Variants in CACNA1E observed in about 807,000 individuals in gnomAD.
CACNA1E encodes the protein calcium voltage-gated channel subunit alpha1 E, also known as voltage-dependent R-type calcium channel subunit alpha-1E.
Under a neutral mutation model 259.2 loss-of-function variants are expected in CACNA1E, and 40 were observed. That is an observed-to-expected ratio of 0.15 (90% confidence interval 0.12 to 0.20). The LOEUF (loss-of-function observed/expected upper bound fraction) is 0.20, where lower values mean the gene tolerates loss of function less well. Ranked by LOEUF, CACNA1E falls within the 10% of genes least tolerant of loss-of-function variation. CACNA1E has a pLI of 1.00. For missense variants in CACNA1E, 1,874 were observed against 3,040.1 expected (o/e 0.62, Z 9.02); for synonymous variants, 1,104 against 1,138.5 (o/e 0.97, Z 0.61).
intron 35 of CACNA1E, among the ~76,000 whole-genome samples, chr1:181,768,337 AAGAG>A (rs1225134388): frequency 1.3e-5 from 2 of 152,204 alleles, no homozygotes; most frequent in Admixed American, 1.3e-4. Flanking sequence ...GAGTGAAAGG[AAGAG>A]AGAGTGAGCA....
intron 25 of CACNA1E, among the ~76,000 whole-genome samples, chr1:181,746,083 C>T (rs768952635): frequency 6.6e-6 from 1 of 152,148 alleles, no homozygotes; most frequent in East Asian, 1.9e-4. Flanking sequence ...GGCAGAATAA[C>T]AATGGATTGA....
chr1:181,604,637 G>T (rs906268310), intron 6 of CACNA1E, among the ~76,000 whole-genome samples: 1 of 152,212 alleles, frequency 6.6e-6, no homozygotes, highest in African/African-American at 2.4e-5. Flanking sequence ...CACTTGAGAT[G>T]AAATTGGGTC....
chr1:181,801,399 GA>G lies in CACNA1E; in HGVS notation c.*2567del, dbSNP rs1662266291. The stretch of plus-strand genomic sequence containing the variant: ...TCATACACACAGGTATTTGAGTCCT[GA>G]ATAAAGTGTTGGAAAGCACTGCAGA... On this transcript the variant is annotated 3_prime_UTR_variant, in exon 48 of 48. Transcript: ENST00000367573. 3 of 152,270 alleles carry G rather than the reference GA, an allele frequency of 2.0e-5. No homozygotes were observed. Among genetic ancestry groups the G allele is most frequent in the Admixed American group, 6.5e-5 (1 of 15,278 alleles). 9.4% of individuals were successfully genotyped at this position (152,270 alleles called of 1,614,324 possible). A position where few individuals can be genotyped will look rare whatever the true frequency, so the allele number is the denominator to read the frequency against.
chr1:181,785,054 C>T (rs1660739014), intron 41 of CACNA1E, among the ~76,000 whole-genome samples: 2 of 151,978 alleles, frequency 1.3e-5, no homozygotes, highest in Admixed American at 1.3e-4. Flanking sequence ...GAATGGTAGG[C>T]GTGATGCTTA....
At chr1:181,558,279 A>G (rs1648951623) in intron 3 of CACNA1E, among the ~76,000 whole-genome samples, 1 of 151,982 alleles carries the variant, frequency 6.6e-6, no homozygotes, top group East Asian at 1.9e-4. Flanking sequence ...TTTGGGCTTG[A>G]TTTTCTAAGA....
chr1:181,652,980 G>A (rs1658892735), intron 7 of CACNA1E, among the ~76,000 whole-genome samples: 1 of 151,966 alleles, frequency 6.6e-6, no homozygotes, highest in Non-Finnish European at 1.5e-5. Flanking sequence ...GGAGTTGAGA[G>A]GATTCCTCTT....
chr1:181,326,392 C>T (rs1160457175), intron 1 of CACNA1E, among the ~76,000 whole-genome samples: 3 of 152,188 alleles, frequency 2.0e-5, no homozygotes, highest in African/African-American at 7.2e-5. Context: ...AATTCCTGTC[C>T]TGGCCATTCA....
chr1:181,573,822 C>T (rs555736888), intron 3 of CACNA1E, among the ~76,000 whole-genome samples: 1 of 152,290 alleles, frequency 6.6e-6, no homozygotes, highest in East Asian at 1.9e-4. Flanking sequence ...AAGATACATA[C>T]ACATGTATGT....
intron 3 of CACNA1E, 74 bp from the exon 4 acceptor site, chr1:181,577,692 G>A (rs1651108304): frequency 2.0e-6 from 2 of 982,998 alleles, no homozygotes; most frequent in South Asian, 2.9e-5. Flanking sequence ...GCTTGCCTCA[G>A]CCCCGCTTCC....
At position 181,794,913 on chromosome 1, in the gene CACNA1E, A is replaced by G. The variant is rs1661657634; in HGVS notation, c.6077A>G (p.Asp2026Gly). 1.9e-6 allele frequency: 3 copies of G among 1,613,732 alleles called. No individual in the cohort carries two copies. Among genetic ancestry groups the G allele is most frequent in the Admixed American group, 3.3e-5 (2 of 59,996 alleles). Residue 2026 changes from aspartate to glycine, a missense_variant, in exon 46 of 48, where the codon GAT becomes GGT. This residue lies in a region of CACNA1E where 542 missense variants were observed against 587.2 expected (regional missense o/e 0.92). Coordinates refer to ENST00000367573, the MANE Select transcript of CACNA1E (RefSeq NM_001205293.3). ...SMRRSFSTIR[D>G]KRSNSSWLEE... ...AGACGTTCATTTTCCACTATTCGGG[A>G]TAAGCGTTCAAATTCCTCGTGGTTG... is the stretch of plus-strand genomic sequence containing the variant.
chr1:181,569,324 G>A (rs762121552), intron 3 of CACNA1E, among the ~76,000 whole-genome samples: 10 of 152,128 alleles, frequency 6.6e-5, no homozygotes, highest in Admixed American at 2.6e-4. Flanking sequence ...AAGGGGCCCC[G>A]GCAGAGTAGG....
rs1456232356 is a variant in CACNA1E, at chr1:181,739,798, G to T, written c.3719+545G>T. On this transcript the variant is annotated intron_variant, in intron 25 of 47. Transcript: ENST00000367573. ...ATATGTGTAATCTCCAAAAGGAAAG[G>T]CTTTCCAAACTTTCCTTGATAACAT... is the stretch of plus-strand genomic sequence containing the variant. Among the ~76,000 whole-genome samples the T allele has an allele frequency of 3.3e-5, 5 of 152,250 alleles. No individual in the cohort carries two copies. In the South Asian group the frequency reaches 1.0e-3, roughly 32 times the overall value.
At chr1:181,764,154 T>G (rs1658825841) in intron 34 of CACNA1E, among the ~76,000 whole-genome samples, 1 of 152,148 alleles carries the variant, frequency 6.6e-6, no homozygotes, top group Non-Finnish European at 1.5e-5. Flanking sequence ...TGTACAGAGG[T>G]GTACATATGA....
At chr1:181,731,069 C>A in intron 18 of CACNA1E, 106 bp from the exon 19 acceptor site, 2 of 815,724 alleles carry the variant, frequency 2.5e-6, no homozygotes, top group Non-Finnish European at 4.2e-6. Context: ...GACCTGATGG[C>A]CACACAGAGG....
chr1:181,747,369 CACATGA>C (rs1657184229), intron 25 of CACNA1E, among the ~76,000 whole-genome samples: 1 of 151,716 alleles, frequency 6.6e-6, no homozygotes, highest in African/African-American at 2.4e-5. Flanking sequence ...TGAGTAATTA[CACATGA>C]AAGATCTGGA....
At chr1:181,710,593 A>G (rs1410817142) in intron 7 of CACNA1E, among the ~76,000 whole-genome samples, 1 of 152,224 alleles carries the variant, frequency 6.6e-6, no homozygotes, top group African/African-American at 2.4e-5. Context: ...CAAAAGGAGA[A>G]AGAGTAGCTG....
At chr1:181,435,941 A>ACAGATT (rs10687720) in intron 2 of CACNA1E, among the ~76,000 whole-genome samples, 93,359 of 151,472 alleles carry the variant, frequency 0.62, 29,823 homozygotes, top group African/African-American at 0.78. Context: ...GTGATGACTC[A>ACAGATT]CAGAGAAAAT....
intron 2 of CACNA1E, among the ~76,000 whole-genome samples, chr1:181,451,586 C>T (rs534610674): frequency 6.6e-6 from 1 of 152,226 alleles, no homozygotes; most frequent in East Asian, 1.9e-4. Context: ...TTGGCTGAGG[C>T]AGGAGAATTC....
At chr1:181,689,044 G>C (rs1650867908) in intron 7 of CACNA1E, among the ~76,000 whole-genome samples, 1 of 152,050 alleles carries the variant, frequency 6.6e-6, no homozygotes, top group African/African-American at 2.4e-5. Context: ...TTGTTACATA[G>C]GTATACACAT....
Sources: gnomAD v4.1 joint callset for allele counts (sites outside exome capture counted in the v4.1 genomes callset) on GRCh38, gnomAD v4.1.1 for gene constraint, gnomAD v4.1.1 regional missense constraint, MANE v1.5 for transcripts, NCBI Gene and HGNC (gene_info 2026-07-23, HGNC 2026-07-21) for gene names.